The following LYRM4 variants were observed in gnomAD, a reference collection of about 807,000 sequenced individuals.
LYRM4 encodes LYR motif containing 4.
Under a neutral mutation model 11.7 loss-of-function variants are expected in LYRM4, and 9 were observed. That is an observed-to-expected ratio of 0.77 (90% CI 0.46 to 1.34). The LOEUF (loss-of-function observed/expected upper bound fraction) is 1.34. Among genes scored for constraint, LYRM4 ranks in the 40% most tolerant of loss-of-function variants. LYRM4 has a pLI of 0.00. For missense variants in LYRM4, 133 were observed against 112.5 expected (o/e 1.18, Z -0.82); for synonymous variants, 42 against 40.4 (o/e 1.04, Z -0.15).
intron 2 of LYRM4, among the ~76,000 whole-genome samples, chr6:5,130,239 C>T (rs1342499552): frequency 6.6e-6 from 1 of 152,192 alleles, no homozygotes; most frequent in African/African-American, 2.4e-5. Flanking sequence ...GTGGACCATG[C>T]AGGGCCTGGA....
rs445204 is a variant in LYRM4 at position 5,143,955 on chromosome 6, T to C, written c.208-34464A>G. Among the ~76,000 whole-genome samples the C allele has an allele frequency of 0.45, 67,914 of 152,062 alleles. 16,883 individuals are homozygous for C. The highest frequency in any genetic ancestry group is 0.81 in the East Asian group (4,168 of 5,160). ...ATTACTGAATAAAACATTCACAGTATATCTTCCACCAGCAGCTGAGCTCCA... is the reference window on the plus strand; with the variant it reads ...ATTACTGAATAAAACATTCACAGTACATCTTCCACCAGCAGCTGAGCTCCA... On this transcript the variant is annotated intron_variant, in intron 2 of 2. Coordinates refer to ENST00000330636, the MANE Select transcript of LYRM4 (RefSeq NM_020408.6).
At chr6:5,233,835 T>TTC (rs1763381475) in intron 1 of LYRM4, among the ~76,000 whole-genome samples, 1 of 152,254 alleles carries the variant, frequency 6.6e-6, no homozygotes, top group African/African-American at 2.4e-5. Context: ...CTGCAATATG[T>TTC]TCACGGTCCC....
intron 2 of LYRM4, chr6:5,138,765 A>T (rs1311591151): frequency 6.6e-7 from 1 of 1,510,800 alleles, no homozygotes; most frequent in Admixed American, 2.0e-5. Context: ...GAAAAAAATA[A>T]AAGTTAAGAG....
intron 2 of LYRM4, among the ~76,000 whole-genome samples, chr6:5,145,001 C>T (rs995926753): frequency 1.3e-5 from 2 of 152,228 alleles, no homozygotes; most frequent in African/African-American, 4.8e-5. Context: ...GAGAAGGACA[C>T]ACTCTTCCCT....
intron 2 of LYRM4, among the ~76,000 whole-genome samples, chr6:5,209,687 G>A (rs1388536063): frequency 1.3e-5 from 2 of 152,136 alleles, no homozygotes; most frequent in East Asian, 3.9e-4. Flanking sequence ...TAATTATACG[G>A]CATAGAATGG....
Position 5,109,163 on chromosome 6 carries a change from G to A in LYRM4, c.*260C>T. On this transcript the variant is annotated 3_prime_UTR_variant, in exon 3 of 3. Coordinates refer to ENST00000330636, the MANE Select transcript of LYRM4 (RefSeq NM_020408.6). ...GTCATGAGCTACAAGGTAGGAATGGGGTGCAGGGGAGACGTGGTAACACAC... is the reference window on the plus strand; with the variant it reads ...GTCATGAGCTACAAGGTAGGAATGGAGTGCAGGGGAGACGTGGTAACACAC... 7.6e-7 allele frequency: 1 copy of A among 1,314,234 alleles called. No homozygotes were observed. Among genetic ancestry groups the A allele is most frequent in the Non-Finnish European group, 9.7e-7 (1 of 1,026,500 alleles). The allele number at this position is 1,314,234 out of a possible 1,614,324, so 81.4% of individuals were successfully genotyped here.
chr6:5,084,671 C>G, the LYRM4 span: 1 of 152,224 alleles, frequency 6.6e-6, no homozygotes, highest in African/African-American at 2.4e-5. Flanking sequence ...GCCCACCCCG[C>G]GCCGCCACTG....
At chr6:5,102,845 GCACGA>G (rs1268533772), downstream of LYRM4, 3 of 152,224 alleles carry the variant, frequency 2.0e-5, no homozygotes, top group Non-Finnish European at 4.4e-5. Flanking sequence ...TTTCAAGACA[GCACGA>G]CACTGACTTC....
chr6:5,099,373 T>TA (rs555939875), downstream of LYRM4, among the ~76,000 whole-genome samples: 1,897 of 130,092 alleles, frequency 0.015, 64 homozygotes, highest in South Asian at 0.15. This position sits in a 1 kb window ranked among gnomAD's most constrained non-coding sequence, Gnocchi z 4.3. Context: ...CTCGGCTAAT[T>TA]AAAAAAAAAA....
At chr6:5,080,664 C>T in the LYRM4 span, among the ~76,000 whole-genome samples, 3 of 152,172 alleles carry the variant, frequency 2.0e-5, no homozygotes, top group Non-Finnish European at 4.4e-5. Context: ...GCTTAAAAGG[C>T]AGTGCCGGAA....
At chr6:5,118,037 G>A (rs757330509) in intron 2 of LYRM4, among the ~76,000 whole-genome samples, 2 of 149,508 alleles carry the variant, frequency 1.3e-5, no homozygotes, top group African/African-American at 4.9e-5. Context: ...CACTTTCATG[G>A]GGGCTTTGGA....
intron 1 of LYRM4, among the ~76,000 whole-genome samples, chr6:5,229,840 G>A (rs887789920): frequency 1.3e-5 from 2 of 152,138 alleles, no homozygotes; most frequent in African/African-American, 2.4e-5. Flanking sequence ...CCATTCTATA[G>A]CAGATGCTCC....
intron 2 of LYRM4, among the ~76,000 whole-genome samples, chr6:5,177,928 C>T (rs757980925): frequency 4.1e-4 from 62 of 152,148 alleles, no homozygotes; most frequent in Non-Finnish European, 7.6e-4. Context: ...CTGGGGATGA[C>T]GTCTTTGTTT....
At chr6:5,257,310 C>T (rs1335983695) in intron 1 of LYRM4, among the ~76,000 whole-genome samples, 2 of 152,146 alleles carry the variant, frequency 1.3e-5, no homozygotes, top group East Asian at 1.9e-4. Flanking sequence ...GCCTGCCTGA[C>T]CACACCAAGC....
chr6:5,136,818 T>C (rs764018391), intron 2 of LYRM4: 30 of 985,242 alleles, frequency 3.0e-5, no homozygotes, highest in Non-Finnish European at 3.3e-5. Flanking sequence ...GGTCTCTTCC[T>C]GATGTCTCTT....
chr6:5,145,184 A>G (rs1467738973), intron 2 of LYRM4, among the ~76,000 whole-genome samples: 1 of 152,178 alleles, frequency 6.6e-6, no homozygotes, highest in Non-Finnish European at 1.5e-5. Flanking sequence ...GACAGGTCAT[A>G]TGAGTTGGAA....
At chr6:5,156,474 T>C (rs1449316329) in intron 2 of LYRM4, among the ~76,000 whole-genome samples, 2 of 152,166 alleles carry the variant, frequency 1.3e-5, no homozygotes, top group Admixed American at 6.5e-5. Flanking sequence ...AATCCACTGG[T>C]AGCAGAAAGA....
At chr6:5,258,289 G>A (rs557697037) in intron 1 of LYRM4, among the ~76,000 whole-genome samples, 116 of 152,224 alleles carry the variant, frequency 7.6e-4, no homozygotes, top group Non-Finnish European at 1.1e-3. Context: ...GGCACAATTC[G>A]CAGGTCATTA....
chr6:5,113,392 T>G (rs1561804238), intron 2 of LYRM4: 1 of 418,074 alleles, frequency 2.4e-6, no homozygotes, highest in African/African-American at 2.1e-5. Flanking sequence ...CACTCCAGCC[T>G]GGGTGACAGA....
Sources: allele counts gnomAD v4.1 joint callset (sites outside exome capture counted in the v4.1 genomes callset), GRCh38; gene constraint gnomAD v4.1.1; non-coding constraint Gnocchi (gnomAD v3.1); transcripts MANE v1.5; gene names NCBI Gene and HGNC (gene_info 2026-07-23, HGNC 2026-07-21).